The following ZDHHC15 variants were observed in gnomAD, a reference collection of about 807,000 sequenced individuals.
ZDHHC15 encodes the protein zDHHC palmitoyltransferase 15.
ZDHHC15 carries 19 observed loss-of-function variants against 31.7 expected under a neutral mutation model. The ratio of observed to expected loss-of-function variants is 0.60; its 90% CI spans 0.42 to 0.88. The LOEUF (loss-of-function observed/expected upper bound fraction) is 0.88, where lower values mean the gene tolerates loss of function less well. Among genes scored for constraint, ZDHHC15 ranks in the 40% least tolerant of loss-of-function variants. The pLI is 0.00. For synonymous variants in ZDHHC15, 103 were observed against 90.0 expected, an observed-to-expected ratio of 1.14 and a Z score of -0.82; for missense variants, 209 against 251.2, an observed-to-expected ratio of 0.83 and a Z score of 1.14.
At chrX:75,515,373 A>C (rs2085340308) in intron 1 of ZDHHC15, among the ~76,000 whole-genome samples, 1 of 111,727 alleles carries the variant, frequency 9.0e-6, no homozygotes, top group African/African-American at 3.3e-5. Flanking sequence ...CACATCAAAA[A>C]GCTTATCCAC....
chrX:75,445,171 C>A (rs1380688296), intron 4 of ZDHHC15, among the ~76,000 whole-genome samples: 1 of 111,192 alleles, frequency 9.0e-6, no homozygotes, highest in Non-Finnish European at 1.9e-5. Flanking sequence ...CCTCATTGTT[C>A]TTTCTCTATA....
chrX:75,444,101 A>T (rs1420813574), intron 4 of ZDHHC15, among the ~76,000 whole-genome samples: 2 of 110,977 alleles, frequency 1.8e-5, no homozygotes, highest in Non-Finnish European at 3.8e-5. Flanking sequence ...CATTTGACCC[A>T]GCCATCCCAT....
intron 2 of ZDHHC15, among the ~76,000 whole-genome samples, chrX:75,486,461 T>A (rs374959442): frequency 1.8e-5 from 2 of 111,863 alleles, no homozygotes; most frequent in Non-Finnish European, 1.9e-5. Flanking sequence ...AGAAACCTGG[T>A]AGGGGGAAGT....
chrX:75,489,071 A>G (rs1204803471), intron 2 of ZDHHC15, among the ~76,000 whole-genome samples: 1 of 111,831 alleles, frequency 8.9e-6, no homozygotes, highest in Non-Finnish European at 1.9e-5. Context: ...CCTAGGCTTG[A>G]GTAGGTAAAC....
Position 75,417,280 on chromosome X carries a change from T to C in ZDHHC15, c.864-90A>G. The C allele has an allele frequency of 1.2e-5, 7 of 570,527 alleles. No homozygotes were observed. In the South Asian group the frequency reaches 2.2e-4, roughly 18 times the overall value. The allele number at this position is 570,527 out of a possible 1,213,427, so 47.0% of individuals were successfully genotyped here. On this transcript the variant is annotated intron_variant, in intron 9 of 11. Coordinates refer to ENST00000373367, the MANE Select transcript of ZDHHC15 (RefSeq NM_144969.3). Reference sequence around the variant, plus strand: ...CTCTTAAAAACAAGAGGGGGGTTCTTAGCCATATTTAGTCTCATTGTCTAA... The same window carrying C: ...CTCTTAAAAACAAGAGGGGGGTTCTCAGCCATATTTAGTCTCATTGTCTAA...
intron 2 of ZDHHC15, among the ~76,000 whole-genome samples, chrX:75,488,067 GA>G (rs897099180): frequency 9.0e-6 from 1 of 111,486 alleles, no homozygotes; most frequent in African/African-American, 3.2e-5. Flanking sequence ...TGTTCCTGAG[GA>G]AAAAAAATCT....
At chrX:75,406,738 T>TGCTGAATTCTACCAAATGTTTA (rs1247489117) in intron 10 of ZDHHC15, among the ~76,000 whole-genome samples, 1 of 107,291 alleles carries the variant, frequency 9.3e-6, no homozygotes, top group Non-Finnish European at 1.9e-5. Flanking sequence ...ATGGCGTCAC[T>TGCTGAATTCTACCAAATGTTTA]GCTGAATTCT....
chrX:75,446,326 C>T (rs1483998509), intron 4 of ZDHHC15, among the ~76,000 whole-genome samples: 2 of 111,030 alleles, frequency 1.8e-5, no homozygotes, highest in Non-Finnish European at 3.8e-5. Context: ...AAATGCTGGA[C>T]CTGCCTTGGT....
At chrX:75,396,183 G>A (rs1246655411) in intron 10 of ZDHHC15, among the ~76,000 whole-genome samples, 5 of 111,733 alleles carry the variant, frequency 4.5e-5, no homozygotes, top group Admixed American at 9.5e-5. Context: ...ATACAGCAAA[G>A]AAGACAATAA....
chrX:75,498,978 C>A lies in ZDHHC15; in HGVS notation c.163+6843G>T, dbSNP rs756819577. Among the ~76,000 whole-genome samples, 3 of 111,398 alleles carry A rather than the reference C, an allele frequency of 2.7e-5. No individual in the cohort carries two copies. In the South Asian group the frequency reaches 1.1e-3, roughly 42 times the overall value. On this transcript the variant is annotated intron_variant, in intron 2 of 11. Coordinates refer to ENST00000373367, the MANE Select transcript of ZDHHC15 (RefSeq NM_144969.3). ...CAGAATAGAGAACCCAGAAATAAAG[C>A]CAAATACTTAGAGCCAACTGATCTT...
In ZDHHC15 at chrX:75,388,564, C is replaced by T. The variant is rs183484935; in HGVS notation, c.968-9366G>A. On this transcript the variant is annotated intron_variant, in intron 10 of 11. Transcript: ENST00000373367. ...TATTTTTTGGTAAGCCTCATGATAG[C>T]CAGAATGCAAAAACCTGTAATAGAT... Among the ~76,000 whole-genome samples, 8 of 110,923 alleles carry T rather than the reference C, an allele frequency of 7.2e-5. No homozygotes were observed. In the East Asian group the frequency reaches 2.3e-3, roughly 31 times the overall value.
chrX:75,513,888 A>AC (rs1556057506), intron 1 of ZDHHC15, among the ~76,000 whole-genome samples: 2,010 of 111,759 alleles, frequency 0.018, 56 homozygotes, highest in African/African-American at 0.061. Context: ...CAAAAAAAAA[A>AC]CAATAAGACT....
chrX:75,484,105 C>A (rs2084738636), intron 2 of ZDHHC15, among the ~76,000 whole-genome samples: 2 of 112,285 alleles, frequency 1.8e-5, no homozygotes, highest in South Asian at 7.3e-4. Context: ...ATGCATCAAT[C>A]TGCTGTACAT....
rs1162967836 is a variant in ZDHHC15 at position 75,369,343 on chromosome X, GTGTAC to G, written c.*3630_*3634del. The G allele has an allele frequency of 1.1e-5, 1 of 94,523 alleles. No homozygotes were observed. The highest frequency in any genetic ancestry group is 3.6e-5 in the African/African-American group (1 of 27,767). The allele number at this position is 94,523 out of a possible 1,213,427, so 7.8% of individuals were successfully genotyped here. On this transcript the variant is annotated 3_prime_UTR_variant, in exon 12 of 12. Coordinates refer to ENST00000373367, the MANE Select transcript of ZDHHC15 (RefSeq NM_144969.3). ...TGTGTGTGTGTGTGTGTGTGTGTGT[GTGTAC>G]ATGTGCATACATGTATGTAGATATG... is the stretch of plus-strand genomic sequence containing the variant.
At chrX:75,511,454 T>C (rs1475120602) in intron 1 of ZDHHC15, among the ~76,000 whole-genome samples, 2 of 66,799 alleles carry the variant, frequency 3.0e-5, no homozygotes, top group Non-Finnish European at 5.6e-5. Context: ...TTTGTTAGAG[T>C]TCATTGTAGA....
At chrX:75,491,493 G>A (rs1334651574) in intron 2 of ZDHHC15, among the ~76,000 whole-genome samples, 1 of 78,027 alleles carries the variant, frequency 1.3e-5, no homozygotes, top group African/African-American at 4.8e-5. Context: ...GGGGGAGGGG[G>A]AGGGATAGCT....
chrX:75,376,081 T>G (rs186729728), intron 11 of ZDHHC15, among the ~76,000 whole-genome samples: 1 of 111,292 alleles, frequency 9.0e-6, no homozygotes, highest in Admixed American at 9.6e-5. Flanking sequence ...ATTTTTTGAC[T>G]TTTTAATAAT....
chrX:75,460,977 A>G (rs1440992480), intron 3 of ZDHHC15, among the ~76,000 whole-genome samples: 1 of 111,851 alleles, frequency 8.9e-6, no homozygotes, highest in Non-Finnish European at 1.9e-5. Context: ...GAAGGTGGGT[A>G]ATAACAAACT....
intron 4 of ZDHHC15, among the ~76,000 whole-genome samples, chrX:75,445,303 CTG>C (rs766492455): frequency 2.5e-4 from 28 of 111,542 alleles, no homozygotes; most frequent in Middle Eastern, 4.6e-3. Context: ...GCTAATGACA[CTG>C]TATCAAGTAA....
Sources: allele counts gnomAD v4.1 joint callset (sites outside exome capture counted in the v4.1 genomes callset), GRCh38; gene constraint gnomAD v4.1.1; transcripts MANE v1.5; gene names NCBI Gene and HGNC (gene_info 2026-07-23, HGNC 2026-07-21).